Variants in ZNF705A observed in about 807,000 individuals in gnomAD.
ZNF705A encodes zinc finger protein 705A.
A neutral mutation model predicts 16.6 loss-of-function variants in ZNF705A; 8 were observed. That is an observed-to-expected ratio of 0.48 (90% confidence interval 0.28 to 0.87). ZNF705A has a LOEUF of 0.87. Ranked by LOEUF, ZNF705A falls within the 40% of genes least tolerant of loss-of-function variation. ZNF705A has a pLI of 0.10. For synonymous variants in ZNF705A, 73 were observed against 117.3 expected (o/e 0.62, Z 2.44); for missense variants, 233 against 359.9 (o/e 0.65, Z 2.85).
intron 1 of ZNF705A, among the ~76,000 whole-genome samples, chr12:8,165,514 C>A (rs1420795222): frequency 7.2e-6 from 1 of 138,936 alleles, no homozygotes; most frequent in Admixed American, 7.5e-5. Flanking sequence ...CAGATCTTTG[C>A]CCATTTAAAA....
chr12:8,159,893 T>C (rs1220368088), intron 1 of ZNF705A, among the ~76,000 whole-genome samples: 1 of 152,230 alleles, frequency 6.6e-6, no homozygotes, highest in Non-Finnish European at 1.5e-5. Flanking sequence ...CATGAAATCC[T>C]TGCCTAAGCC....
chr12:8,161,779 C>G (rs952532464), intron 1 of ZNF705A, among the ~76,000 whole-genome samples: 6 of 152,090 alleles, frequency 3.9e-5, no homozygotes, highest in African/African-American at 1.2e-4. Context: ...GAGTACTTAC[C>G]CAAAAGCACG....
chr12:8,163,011 G>A (rs906936246), intron 1 of ZNF705A, among the ~76,000 whole-genome samples: 2 of 152,204 alleles, frequency 1.3e-5, no homozygotes, highest in Non-Finnish European at 2.9e-5. Context: ...TGAGGAGGGA[G>A]TTGAATCATG....
At chr12:8,172,799 G>A (rs919787610) in intron 1 of ZNF705A, among the ~76,000 whole-genome samples, 162 bp downstream of exon 2, 33 of 152,272 alleles carry the variant, frequency 2.2e-4, no homozygotes, top group African/African-American at 7.7e-4. Flanking sequence ...GCAATCAGGA[G>A]GCTTTCAGGT....
At chr12:8,177,532 T>C (rs61922210) in exon 5 of ZNF705A, 212,463 of 1,608,436 alleles carry the variant, frequency 0.13, 10,511 homozygotes, top group Middle Eastern at 0.16. Flanking sequence ...AGAAACCACA[T>C]GCTTGTCTTC....
intron 1 of ZNF705A, among the ~76,000 whole-genome samples, chr12:8,165,893 A>G (rs1316562461): frequency 6.6e-6 from 1 of 152,142 alleles, no homozygotes; most frequent in African/African-American, 2.4e-5. Flanking sequence ...CATATACTGT[A>G]TTTTCTCTAT....
chr12:8,168,947 G>C (rs1219375041), upstream of ZNF705A: 1 of 151,988 alleles, frequency 6.6e-6, no homozygotes, highest in Non-Finnish European at 1.5e-5. Context: ...TATGGATACT[G>C]TTTTAGCTTT....
At chr12:8,170,400 T>G (rs1948436491), upstream of ZNF705A, among the ~76,000 whole-genome samples, 1 of 152,196 alleles carries the variant, frequency 6.6e-6, no homozygotes, top group Non-Finnish European at 1.5e-5. Context: ...TATGTATGTG[T>G]TTTAAAATAT....
chr12:8,174,538 A>T, intron 2 of ZNF705A, 86 bp downstream of exon 3: 1 of 1,591,624 alleles, frequency 6.3e-7, no homozygotes. Flanking sequence ...CCCATATCTC[A>T]CTCTAATCTC....
chr12:8,176,060 CA>C (rs780511289), intron 4 of ZNF705A, 118 bp downstream of exon 5: 334 of 1,459,892 alleles, frequency 2.3e-4, no homozygotes, highest in Middle Eastern at 5.1e-4. Flanking sequence ...GCTTTCTAAG[CA>C]AAAAAAAATT....
rs1217153541 is a variant in ZNF705A at position 8,175,898 on chromosome 12, A to G, written c.274A>G (p.Met92Val). 1.9e-6 allele frequency: 3 copies of G among 1,611,448 alleles called. No homozygotes were observed. The highest frequency in any genetic ancestry group is 2.5e-6 in the Non-Finnish European group (3 of 1,179,534). Residue 92 changes from methionine (M) to valine (V), a missense_variant, in exon 4 of 5, where the codon ATG (methionine) becomes GTG (valine). Physicochemically the swap from Met to Val is conservative, Grantham distance 21 (BLOSUM62 1). Around this residue, in one of 3 missense-constraint regions of ZNF705A, gnomAD observed 220 missense variants for 271.4 expected, o/e 0.81. Transcript: ENST00000359286. The stretch of plus-strand genomic sequence containing the variant: ...CCTTAAGAAAAAACACATGATATCC[A>G]TGCATCCTATCACCAGAAAAGACGC...
upstream of ZNF705A, among the ~76,000 whole-genome samples, chr12:8,171,868 C>G (rs1281633202): frequency 1.3e-5 from 2 of 152,154 alleles, no homozygotes; most frequent in African/African-American, 4.8e-5. Context: ...TCCTGAGTAG[C>G]TGGGATTACA....
At chr12:8,169,561 A>G (rs1413824552), upstream of ZNF705A, among the ~76,000 whole-genome samples, 1 of 152,234 alleles carries the variant, frequency 6.6e-6, no homozygotes, top group African/African-American at 2.4e-5. Context: ...AGCACCTCAG[A>G]TGTCATTCAA....
intron 1 of ZNF705A, among the ~76,000 whole-genome samples, chr12:8,160,026 T>G (rs1351754421): frequency 6.6e-6 from 1 of 152,208 alleles, no homozygotes; most frequent in East Asian, 1.9e-4. Flanking sequence ...GGATCTAGTT[T>G]CATTCTCCTA....
upstream of ZNF705A, among the ~76,000 whole-genome samples, chr12:8,171,735 C>G (rs1200937995): frequency 3.3e-5 from 4 of 120,836 alleles, no homozygotes; most frequent in African/African-American, 1.1e-4. Flanking sequence ...TACCCCCATC[C>G]TAAAACAGAT....
chr12:8,169,810 A>G (rs1948429869), upstream of ZNF705A, among the ~76,000 whole-genome samples: 1 of 152,256 alleles, frequency 6.6e-6, no homozygotes, highest in Non-Finnish European at 1.5e-5. Flanking sequence ...CTAGGAGGTC[A>G]CAAGTCGGCC....
At chr12:8,177,161 C>T (rs775195949) in exon 5 of ZNF705A, 2 of 1,611,980 alleles carry the variant, frequency 1.2e-6, no homozygotes, top group South Asian at 1.1e-5. Flanking sequence ...CTCCCCTAAA[C>T]CACATAAACA....
At chr12:8,179,989 T>A (rs1948519331) in exon 5 of ZNF705A, 1 of 152,266 alleles carries the variant, frequency 6.6e-6, no homozygotes, top group Admixed American at 6.5e-5. Flanking sequence ...TTTTGTATAC[T>A]GATTTTTGAA....
At position 8,175,959 on chromosome 12, in the gene ZNF705A, T is replaced by G. The variant is rs746181530; in HGVS notation, c.318+17T>G. The G allele has an allele frequency of 6.2e-7, 1 of 1,610,392 alleles. No homozygotes were observed. The highest frequency in any genetic ancestry group is 8.5e-7 in the Non-Finnish European group (1 of 1,179,156). ...ATGACAATGGTAAGTTTTATAGCTG[T>G]GTACACCAGTCATCTAAGTTAAAGA... On this transcript the variant is annotated intron_variant, in intron 4 of 4. Transcript: ENST00000359286.
Sources: gnomAD v4.1 joint callset for allele counts (sites outside exome capture counted in the v4.1 genomes callset) on GRCh38, gnomAD v4.1.1 for gene constraint, gnomAD v4.1.1 regional missense constraint, MANE v1.5 for transcripts, NCBI Gene and HGNC (gene_info 2026-07-23, HGNC 2026-07-21) for gene names.